The following FBXL4 variants were observed in gnomAD, a reference collection of about 807,000 sequenced individuals.
FBXL4 encodes F-box/LRR-repeat protein 4.
A neutral mutation model predicts 58.9 loss-of-function variants in FBXL4; 40 were observed. The observed-to-expected ratio is 0.68, with a 90% CI of 0.53 to 0.88. FBXL4 has a LOEUF of 0.88. Among genes scored for constraint, FBXL4 ranks in the 40% least tolerant of loss-of-function variants. The pLI is 0.00. For missense variants in FBXL4, 676 were observed against 734.4 expected, an observed-to-expected ratio of 0.92 and a Z score of 0.92; for synonymous variants, 263 against 265.5, an observed-to-expected ratio of 0.99 and a Z score of 0.09.
intron 4 of FBXL4, among the ~76,000 whole-genome samples, chr6:98,921,720 C>G (rs1196595123): frequency 1.3e-5 from 2 of 152,092 alleles, no homozygotes; most frequent in Non-Finnish European, 2.9e-5. Context: ...GATTTGGTAG[C>G]AAATTCTATG....
chr6:98,943,547 T>C (rs539680505), intron 1 of FBXL4, among the ~76,000 whole-genome samples: 1 of 115,982 alleles, frequency 8.6e-6, no homozygotes, highest in South Asian at 2.8e-4. Context: ...ACCACTGCAC[T>C]CCAGCATGGG....
At chr6:98,911,204 ACTC>A (rs750330724) in intron 5 of FBXL4, among the ~76,000 whole-genome samples, 1 of 152,166 alleles carries the variant, frequency 6.6e-6, no homozygotes, top group African/African-American at 2.4e-5. Context: ...GCCCACCACA[ACTC>A]AAGGAGGCCT....
intron 7 of FBXL4, chr6:98,896,884 TA>T (rs1465339023): frequency 1.0e-6 from 1 of 984,884 alleles, no homozygotes; most frequent in East Asian, 1.1e-4. Flanking sequence ...TTAATCCTCA[TA>T]AATCACACTT....
chr6:98,897,382 A>G, intron 7 of FBXL4: 5 of 978,504 alleles, frequency 5.1e-6, no homozygotes, highest in Non-Finnish European at 6.1e-6. Context: ...TTCAGGGACA[A>G]TAATTATTTC....
chr6:98,924,366 G>T (rs2128404193), intron 4 of FBXL4, among the ~76,000 whole-genome samples: 1 of 152,272 alleles, frequency 6.6e-6, no homozygotes, highest in East Asian at 1.9e-4. Context: ...AGACCAGCCT[G>T]CCCAACCTGG....
At chr6:98,903,915 T>A (rs1771705295) in intron 6 of FBXL4, among the ~76,000 whole-genome samples, 5 of 152,292 alleles carry the variant, frequency 3.3e-5, no homozygotes, top group Non-Finnish European at 1.5e-5. Context: ...AGGCAGGAAC[T>A]ATATTATATA....
chr6:98,936,616 A>G (rs1469469609), intron 1 of FBXL4, among the ~76,000 whole-genome samples: 1 of 152,200 alleles, frequency 6.6e-6, no homozygotes, highest in African/African-American at 2.4e-5. Context: ...TCTTTTCCTC[A>G]TGATTTTCTT....
At chr6:98,947,693 G>T (rs1773679087) in intron 1 of FBXL4, 113 bp downstream of exon 1, 1 of 152,338 alleles carries the variant, frequency 6.6e-6, no homozygotes, top group East Asian at 1.9e-4. Flanking sequence ...TCTGCCAGGC[G>T]TCCAGACTCC....
intron 4 of FBXL4, among the ~76,000 whole-genome samples, chr6:98,925,199 G>A (rs546143578): frequency 6.6e-6 from 1 of 152,220 alleles, no homozygotes; most frequent in South Asian, 2.1e-4. Context: ...GTTAACATGA[G>A]ATAACATTTT....
In FBXL4 at chr6:98,868,796, A is replaced by G. The variant is rs1407616096; in HGVS notation, c.*5482T>C. On this transcript the variant is annotated 3_prime_UTR_variant, in exon 10 of 10. Coordinates refer to ENST00000369244, the MANE Select transcript of FBXL4 (RefSeq NM_001278716.2). ...ACTAATTACTTTACCAAATACATAG[A>G]TTAAAATATCCCTAAATGTCAATTT... 6.6e-6 allele frequency: 1 copy of G among 152,200 alleles called. No homozygotes were observed. Among genetic ancestry groups the G allele is most frequent in the Admixed American group, 6.5e-5 (1 of 15,270 alleles). The allele number at this position is 152,200 out of a possible 1,614,324, so 9.4% of individuals were successfully genotyped here.
intron 4 of FBXL4, among the ~76,000 whole-genome samples, chr6:98,920,901 G>A (rs1026213494): frequency 2.6e-5 from 4 of 151,922 alleles, no homozygotes; most frequent in Non-Finnish European, 4.4e-5. Context: ...CCCCAGGGCA[G>A]TGTTGATATG....
intron 2 of FBXL4, among the ~76,000 whole-genome samples, chr6:98,928,963 G>T (rs1183684746): frequency 6.6e-6 from 1 of 152,112 alleles, no homozygotes; most frequent in East Asian, 1.9e-4. Context: ...GCATTTTTAT[G>T]AGATATATAC....
At position 98,899,281 on chromosome 6, in the gene FBXL4, C is replaced by T. The variant is rs754142863; in HGVS notation, c.1304G>A (p.Arg435Gln). Residue 435 changes from arginine (R) to glutamine (Q), a missense_variant, in exon 7 of 10, where the codon CGA becomes CAA. Physicochemically the swap from Arg to Gln is conservative, Grantham distance 43 (BLOSUM62 1). Transcript: ENST00000369244. ...LCSLKRLVLY[R>Q]TKVEQTALLS... ...AATTACTCTCACCTCTACTTTTGTTCGATAGAGAACAAGTCGTTTAAGGCT... is the reference window on the plus strand; with the variant it reads ...AATTACTCTCACCTCTACTTTTGTTTGATAGAGAACAAGTCGTTTAAGGCT... 22 of 1,613,600 alleles carry T rather than the reference C, an allele frequency of 1.4e-5. No individual in the cohort carries two copies. The highest frequency in any genetic ancestry group is 3.3e-5 in the Admixed American group (2 of 59,948).
chr6:98,874,588 G>A (rs539849192), intron 9 of FBXL4, 147 bp from the exon 10 acceptor site: 3 of 964,250 alleles, frequency 3.1e-6, no homozygotes, highest in East Asian at 3.0e-5. Context: ...TTTCAAACAT[G>A]ACTTCATATT....
intron 1 of FBXL4, among the ~76,000 whole-genome samples, chr6:98,936,675 TACATATA>T (rs1170443227): frequency 6.6e-6 from 1 of 152,208 alleles, no homozygotes; most frequent in Non-Finnish European, 1.5e-5. Flanking sequence ...CAGTATACAA[TACATATA>T]ACATATAAAA....
chr6:98,933,338 T>G (rs570108991), intron 2 of FBXL4, among the ~76,000 whole-genome samples: 1 of 152,336 alleles, frequency 6.6e-6, no homozygotes, highest in Non-Finnish European at 1.5e-5. Flanking sequence ...GCTGTCTTTT[T>G]GATAACATGA....
chr6:98,884,887 A>G (rs1770981213), intron 7 of FBXL4, among the ~76,000 whole-genome samples: 2 of 152,146 alleles, frequency 1.3e-5, no homozygotes, highest in South Asian at 4.1e-4. Flanking sequence ...GGTTTGAAAA[A>G]TATGTCCACG....
At chr6:98,884,946 C>G (rs1770983576) in intron 7 of FBXL4, among the ~76,000 whole-genome samples, 1 of 152,156 alleles carries the variant, frequency 6.6e-6, no homozygotes. Context: ...ATTCCTCTCC[C>G]TTTGAGAGAG....
intron 6 of FBXL4, among the ~76,000 whole-genome samples, chr6:98,901,029 T>C (rs1199551495): frequency 6.6e-6 from 1 of 152,162 alleles, no homozygotes; most frequent in East Asian, 1.9e-4. Flanking sequence ...CAGGCAATAG[T>C]CTAGGCACTG....
Sources: allele counts gnomAD v4.1 joint callset (sites outside exome capture counted in the v4.1 genomes callset), GRCh38; gene constraint gnomAD v4.1.1; transcripts MANE v1.5; gene names NCBI Gene and HGNC (gene_info 2026-07-23, HGNC 2026-07-21).